The following NDUFA10 variants were observed in gnomAD, a reference collection of about 807,000 sequenced individuals.
The protein encoded by NDUFA10 is NADH:ubiquinone oxidoreductase subunit A10.
In NDUFA10, 40 loss-of-function variants were observed where a neutral mutation model predicts 47.8. The observed-to-expected ratio is 0.84, with a 90% CI of 0.65 to 1.09. The LOEUF (loss-of-function observed/expected upper bound fraction) is 1.09, where lower values mean the gene tolerates loss of function less well. NDUFA10 is among the 50% of genes least tolerant of loss of function. The probability of loss-of-function intolerance (pLI) is 0.00; values close to 1 mark genes in which losing one functional copy is unlikely to be tolerated. For missense variants in NDUFA10, 413 were observed against 451.1 expected (o/e 0.92, Z 0.76); for synonymous variants, 183 against 172.2 (o/e 1.06, Z -0.49).
chr2:239,931,922 G>A (rs1283036736), intron 4 of NDUFA10, among the ~76,000 whole-genome samples: 6 of 131,084 alleles, frequency 4.6e-5, no homozygotes, highest in Non-Finnish European at 7.7e-5. Context: ...TGCAAGCTCC[G>A]CCTCCCGGGT....
chr2:239,970,429 T>C (rs1025909804), intron 9 of NDUFA10, among the ~76,000 whole-genome samples: 2 of 152,338 alleles, frequency 1.3e-5, no homozygotes, highest in East Asian at 3.8e-4. Context: ...AGAAAGATGA[T>C]GCCGGGTGGA....
intron 9 of NDUFA10, among the ~76,000 whole-genome samples, chr2:239,989,057 A>G (rs1217316107): frequency 1.3e-5 from 2 of 152,018 alleles, no homozygotes. Flanking sequence ...ACAAGTATAC[A>G]AGGACAAAGG....
chr2:240,014,541 C>T, intron 5 of NDUFA10, 198 bp downstream of exon 5: 1 of 774,360 alleles, frequency 1.3e-6, no homozygotes, highest in Non-Finnish European at 2.1e-6. Flanking sequence ...GGCAGGCCCG[C>T]AGGCTGTGGC....
At chr2:239,953,443 C>G (rs1323754496), downstream of NDUFA10, among the ~76,000 whole-genome samples, 1 of 152,222 alleles carries the variant, frequency 6.6e-6, no homozygotes, top group African/African-American at 2.4e-5. Context: ...CTTACCGCAG[C>G]CCTAGGAAAC....
rs145069317 is a variant in NDUFA10 at position 240,002,095 on chromosome 2, C to T, written c.890+3115G>A. Among the ~76,000 whole-genome samples the T allele has an allele frequency of 3.7e-4, 56 of 152,124 alleles. No homozygotes were observed. The East Asian group carries it at 7.9e-3, about 22-fold the overall frequency. On this transcript the variant is annotated intron_variant, in intron 8 of 9. Coordinates refer to ENST00000252711, the MANE Select transcript of NDUFA10 (RefSeq NM_004544.4). ...CTGTAATCCCAGCACTTCTGGAGGC[C>T]GAGGCAGGTGGATCACCTGAGGTCA... is the stretch of plus-strand genomic sequence containing the variant.
At chr2:239,899,034 A>G (rs144640628) in intron 4 of NDUFA10, among the ~76,000 whole-genome samples, 504 of 42,158 alleles carry the variant, frequency 0.012, 13 homozygotes, top group Middle Eastern at 0.068. Flanking sequence ...GGAGGGGTGT[A>G]AAGGAGGGGT....
rs537434368 is a variant in NDUFA10 at position 239,961,777 on chromosome 2, C to T, written c.1000-591G>A. Among the ~76,000 whole-genome samples, 5 of 152,290 alleles carry T rather than the reference C, an allele frequency of 3.3e-5. No homozygotes were observed. The East Asian group carries it at 7.7e-4, about 24-fold the overall frequency. On this transcript the variant is annotated intron_variant, in intron 9 of 9. Coordinates refer to ENST00000252711, the MANE Select transcript of NDUFA10 (RefSeq NM_004544.4). ...GGAAGCACTGCAGGACTGACCCTAG[C>T]GGGAGCCACTGAACATCCAGGAGCG...
chr2:240,008,555 CAG>C (rs1431451516), intron 6 of NDUFA10, among the ~76,000 whole-genome samples: 3 of 152,224 alleles, frequency 2.0e-5, no homozygotes, highest in Admixed American at 6.5e-5. Flanking sequence ...GTATAGGAGA[CAG>C]AGGTCTTAAA....
chr2:239,905,427 G>T (rs574182990), intron 4 of NDUFA10, among the ~76,000 whole-genome samples: 1 of 152,254 alleles, frequency 6.6e-6, no homozygotes, highest in African/African-American at 2.4e-5. Context: ...GATTTGCACC[G>T]GGACTCTCGG....
At position 239,958,948 on chromosome 2, in the gene NDUFA10, G is replaced by A. The variant is rs1281116434; in HGVS notation, c.*2170C>T. ...TTGATCCTGGTTTGTTGGTGCTGTT[G>A]TTTTAGTTGTAAGAGCTTTCGTGAG... On this transcript the variant is annotated 3_prime_UTR_variant, in exon 10 of 10. Coordinates refer to ENST00000252711, the MANE Select transcript of NDUFA10 (RefSeq NM_004544.4). 2 of 985,292 alleles carry A rather than the reference G, an allele frequency of 2.0e-6. No individual in the cohort carries two copies. The highest frequency in any genetic ancestry group is 3.5e-5 in the African/African-American group (2 of 57,226). 61.0% of individuals were successfully genotyped at this position (985,292 alleles called of 1,614,324 possible). A position where few individuals can be genotyped will look rare whatever the true frequency, so the allele number is the denominator to read the frequency against.
At position 240,025,309 on chromosome 2, in the gene NDUFA10, C is replaced by T; in HGVS notation, c.-8G>A. ...CAGGAGCCGCAAGGCCATGGCTACC[C>T]GGTCAGCTCAGGATCAAGGACCCAA... On this transcript the variant is annotated 5_prime_UTR_variant, in exon 1 of 10. Coordinates refer to ENST00000252711, the MANE Select transcript of NDUFA10 (RefSeq NM_004544.4). 1.3e-6 allele frequency: 2 copies of T among 1,505,272 alleles called. No homozygotes were observed. Among genetic ancestry groups the T allele is most frequent in the Admixed American group, 2.2e-5 (1 of 45,678 alleles). 93.2% of individuals were successfully genotyped at this position (1,505,272 alleles called of 1,614,324 possible).
At position 240,019,816 on chromosome 2, in the gene NDUFA10, CTCAAAAAAAAAA is replaced by C. The variant is rs1257503699; in HGVS notation, c.461-1189_461-1178del. The stretch of plus-strand genomic sequence containing the variant: ...CCTGGGCGACAGAGCGAGACTCCGT[CTCAAAAAAAAAA>C]AAAAAAAAAAAAAAAAAAAAAGAAC... On this transcript the variant is annotated intron_variant, in intron 3 of 9. Coordinates refer to ENST00000252711, the MANE Select transcript of NDUFA10 (RefSeq NM_004544.4). Among the ~76,000 whole-genome samples the C allele has an allele frequency of 3.6e-4, 3 of 8,442 alleles. 1 individual carries two copies. Among genetic ancestry groups the C allele is most frequent in the Non-Finnish European group, 5.6e-4 (3 of 5,352 alleles). The allele number at this position is 8,442 out of a possible 152,430, so 5.5% of individuals were successfully genotyped here. A position where few individuals can be genotyped will look rare whatever the true frequency, so the allele number is the denominator to read the frequency against.
chr2:239,903,390 G>C, intron 4 of NDUFA10, among the ~76,000 whole-genome samples: 1 of 152,202 alleles, frequency 6.6e-6, no homozygotes, highest in East Asian at 1.9e-4. Flanking sequence ...GGCCACCTCA[G>C]CCCAGCCAAC....
chr2:239,980,588 AG>A (rs776293490), intron 9 of NDUFA10, among the ~76,000 whole-genome samples: 2 of 152,212 alleles, frequency 1.3e-5, no homozygotes, highest in Non-Finnish European at 2.9e-5. Flanking sequence ...GCACCAAAAC[AG>A]GGTTTCCAGT....
At chr2:240,011,791 C>A in intron 5 of NDUFA10, 95 bp from the exon 6 acceptor site, 1 of 1,083,550 alleles carries the variant, frequency 9.2e-7, no homozygotes, top group African/African-American at 1.6e-5. Flanking sequence ...CACTGACCAC[C>A]ATTTTCTTAC....
intron 4 of NDUFA10, among the ~76,000 whole-genome samples, chr2:239,908,588 G>C (rs531440956): frequency 6.6e-6 from 1 of 152,342 alleles, no homozygotes; most frequent in East Asian, 1.9e-4. Context: ...CAAAGAAATA[G>C]CAGGCAGGCC....
intron 9 of NDUFA10, among the ~76,000 whole-genome samples, chr2:239,967,763 G>A (rs144214152): frequency 0.018 from 2,687 of 152,280 alleles, 29 homozygotes; most frequent in Middle Eastern, 0.061. Flanking sequence ...ACGCCACTGA[G>A]TTTGTGTGAT....
chr2:240,001,089 G>A (rs991969811), intron 8 of NDUFA10, among the ~76,000 whole-genome samples: 2 of 152,172 alleles, frequency 1.3e-5, no homozygotes, highest in African/African-American at 2.4e-5. Context: ...CTGGGAATCT[G>A]GCTTACAACA....
chr2:239,953,975 C>T (rs1367592308), downstream of NDUFA10, among the ~76,000 whole-genome samples: 2 of 152,186 alleles, frequency 1.3e-5, no homozygotes, highest in African/African-American at 2.4e-5. Flanking sequence ...CCGACCGCCT[C>T]GGGGCTGTGA....
Sources: allele counts gnomAD v4.1 joint callset (sites outside exome capture counted in the v4.1 genomes callset), GRCh38; gene constraint gnomAD v4.1.1; transcripts MANE v1.5; gene names NCBI Gene and HGNC (gene_info 2026-07-23, HGNC 2026-07-21).